AUTS2: variants seen among roughly 807,000 people sequenced by gnomAD.
AUTS2 encodes activator of transcription and developmental regulator AUTS2.
In AUTS2, 17 loss-of-function variants were observed where a neutral mutation model predicts 112.4. The ratio of observed to expected loss-of-function variants is 0.15; its 90% confidence interval spans 0.10 to 0.23. AUTS2 has a LOEUF of 0.23. AUTS2 is among the 10% of genes least tolerant of loss of function. The probability of loss-of-function intolerance (pLI) is 1.00; values close to 1 mark genes in which losing one functional copy is unlikely to be tolerated. For missense variants in AUTS2, 1,510 were observed against 1,701.6 expected (o/e 0.89, Z 1.98); for synonymous variants, 751 against 702.7 (o/e 1.07, Z -1.09).
chr7:69,810,073 ACT>A (rs1790481331), intron 1 of AUTS2, among the ~76,000 whole-genome samples: 1 of 152,046 alleles, frequency 6.6e-6, no homozygotes, highest in African/African-American at 2.4e-5. Context: ...TGACCGTGTG[ACT>A]CTGCTTCCCT....
intron 2 of AUTS2, among the ~76,000 whole-genome samples, chr7:69,971,728 A>T (rs1452706975): frequency 1.3e-5 from 2 of 152,002 alleles, no homozygotes; most frequent in East Asian, 3.9e-4. Flanking sequence ...AGCTTTTTGG[A>T]ATTTTCTGTT....
At chr7:70,275,370 C>A (rs1050002382) in intron 4 of AUTS2, among the ~76,000 whole-genome samples, 1 of 152,044 alleles carries the variant, frequency 6.6e-6, no homozygotes, top group Non-Finnish European at 1.5e-5. Flanking sequence ...CTCACAGAGA[C>A]AAAAAGTCAC....
intron 5 of AUTS2, among the ~76,000 whole-genome samples, chr7:70,590,787 C>T (rs537121070): frequency 6.6e-5 from 10 of 152,240 alleles, no homozygotes; most frequent in African/African-American, 1.7e-4. Flanking sequence ...AACAAACATA[C>T]GTGTAGTTGT....
chr7:69,988,480 CTCTCATAATTATGCA>C (rs1798604066), intron 2 of AUTS2, among the ~76,000 whole-genome samples: 1 of 152,156 alleles, frequency 6.6e-6, no homozygotes, highest in African/African-American at 2.4e-5. Context: ...TTAATGCCAG[CTCTCATAATTATGCA>C]TCACTTGTTG....
intron 1 of AUTS2, among the ~76,000 whole-genome samples, chr7:69,603,890 T>G (rs935339808): frequency 6.6e-6 from 1 of 152,164 alleles, no homozygotes; most frequent in African/African-American, 2.4e-5. Context: ...CTTTCTGCTA[T>G]TTGGGTTTTT....
rs571606959 is a variant in AUTS2, at chr7:69,991,631, A to G, written c.522+92133A>G. ...ACAAGAGAAGAAATAAACGTTAGAC[A>G]TATTTCTGGGAGCTTAGATAAGTTG... On this transcript the variant is annotated intron_variant, in intron 2 of 18. Coordinates refer to ENST00000342771, the MANE Select transcript of AUTS2 (RefSeq NM_015570.4). Among the ~76,000 whole-genome samples, 12 of 152,358 alleles carry G rather than the reference A, an allele frequency of 7.9e-5. No individual in the cohort carries two copies. The East Asian group carries it at 1.7e-3, about 22-fold the overall frequency.
intron 2 of AUTS2, among the ~76,000 whole-genome samples, chr7:69,999,563 G>GT (rs2129552535): frequency 6.6e-6 from 1 of 152,218 alleles, no homozygotes; most frequent in South Asian, 2.1e-4. Flanking sequence ...TCTGTTTTTT[G>GT]TAAGTGTTGT....
intron 3 of AUTS2, among the ~76,000 whole-genome samples, chr7:70,131,223 A>G (rs1191177446): frequency 6.6e-6 from 1 of 152,072 alleles, no homozygotes; most frequent in Non-Finnish European, 1.5e-5. Flanking sequence ...AGCCGACACA[A>G]GAGGATCACT....
At chr7:70,375,783 C>G (rs573503805) in intron 4 of AUTS2, among the ~76,000 whole-genome samples, 15 of 152,056 alleles carry the variant, frequency 9.9e-5, no homozygotes, top group African/African-American at 3.6e-4. Flanking sequence ...AAATTCTAAA[C>G]CAGCTGTTTT....
At chr7:69,977,965 G>A (rs768114868) in intron 2 of AUTS2, among the ~76,000 whole-genome samples, 1 of 152,018 alleles carries the variant, frequency 6.6e-6, no homozygotes, top group Admixed American at 6.6e-5. Flanking sequence ...AGGGATTTTA[G>A]TTGTACTTAG....
At chr7:70,560,996 A>G (rs1487764164) in intron 5 of AUTS2, among the ~76,000 whole-genome samples, 1 of 152,204 alleles carries the variant, frequency 6.6e-6, no homozygotes, top group Non-Finnish European at 1.5e-5. Context: ...ACTTTAGACA[A>G]ATATGACCCC....
intron 5 of AUTS2, among the ~76,000 whole-genome samples, chr7:70,470,390 G>A (rs1168457628): frequency 6.6e-6 from 1 of 152,188 alleles, no homozygotes; most frequent in Non-Finnish European, 1.5e-5. Flanking sequence ...GGATGTTTAA[G>A]GTAAAGAGAG....
intron 5 of AUTS2, among the ~76,000 whole-genome samples, chr7:70,519,827 T>C (rs548893669): frequency 1.3e-5 from 2 of 152,130 alleles, no homozygotes; most frequent in Non-Finnish European, 2.9e-5. Context: ...GATTGGGTGT[T>C]CTGTCAGCTG....
intron 4 of AUTS2, among the ~76,000 whole-genome samples, chr7:70,146,670 ATATAT>A (rs1361099935): frequency 6.6e-6 from 1 of 152,266 alleles, no homozygotes; most frequent in Admixed American, 6.5e-5. Flanking sequence ...ATTGCTAAAC[ATATAT>A]TATAGTGCTT....
chr7:70,669,423 G>T (rs916475781), intron 5 of AUTS2, among the ~76,000 whole-genome samples: 1 of 152,204 alleles, frequency 6.6e-6, no homozygotes, highest in African/African-American at 2.4e-5. Context: ...GGACACAAGG[G>T]TTCAGCAGAG....
intron 4 of AUTS2, among the ~76,000 whole-genome samples, chr7:70,414,659 G>A (rs1794917085): frequency 1.3e-5 from 2 of 152,128 alleles, no homozygotes; most frequent in South Asian, 4.1e-4. Context: ...GAGAGAATAT[G>A]GCATTGGAAA....
In AUTS2 at chr7:70,245,144, G is replaced by GTA. The variant is rs71077638; in HGVS notation, c.660+110598_660+110599dup. ...CAAAAAAAAAAAAAAGTGTGTGTGT[G>GTA]TATATATATATATATATATATATAT... is the stretch of plus-strand genomic sequence containing the variant. On this transcript the variant is annotated intron_variant, in intron 4 of 18. Coordinates refer to ENST00000342771, the MANE Select transcript of AUTS2 (RefSeq NM_015570.4). Among the ~76,000 whole-genome samples, 888 of 108,966 alleles carry GTA rather than the reference G, an allele frequency of 8.1e-3. 24 individuals carry two copies. Among genetic ancestry groups the GTA allele is most frequent in the African/African-American group, 0.031 (748 of 24,024 alleles). The allele number at this position is 108,966 out of a possible 152,430, so 71.5% of individuals were successfully genotyped here.
intron 5 of AUTS2, among the ~76,000 whole-genome samples, chr7:70,575,288 C>A (rs1802112406): frequency 6.6e-6 from 1 of 152,138 alleles, no homozygotes; most frequent in African/African-American, 2.4e-5. Flanking sequence ...TACTGCCAGC[C>A]ACTAATGAGC....
chr7:70,713,735 A>T (rs1408870411), intron 6 of AUTS2, among the ~76,000 whole-genome samples: 1 of 151,882 alleles, frequency 6.6e-6, no homozygotes, highest in African/African-American at 2.4e-5. Context: ...TCTACTAAAA[A>T]TACAAAGAAA....
Sources: allele counts gnomAD v4.1 joint callset (sites outside exome capture counted in the v4.1 genomes callset), GRCh38; gene constraint gnomAD v4.1.1; transcripts MANE v1.5; gene names NCBI Gene and HGNC (gene_info 2026-07-23, HGNC 2026-07-21).